CETN1: variants seen among roughly 807,000 people sequenced by gnomAD.
CETN1 encodes the protein centrin-1.
A neutral mutation model predicts 8.1 loss-of-function variants in CETN1; 6 were observed. The ratio of observed to expected loss-of-function variants is 0.74; its 90% confidence interval spans 0.40 to 1.46. The LOEUF is 1.46. CETN1 is among the 40% of genes most tolerant of loss of function. CETN1 has a pLI of 0.02. For missense variants in CETN1, 215 were observed against 226.2 expected, an observed-to-expected ratio of 0.95 and a Z score of 0.32; for synonymous variants, 99 against 90.3, an observed-to-expected ratio of 1.10 and a Z score of -0.55.
chr18:581,900 G>T lies in CETN1; in HGVS notation c.*973G>T. ...TTAGCCCCTCTGACATATAGTTGAT[G>T]TCAGAGTGTCTGGCATTTCAGTAGT... On this transcript the variant is annotated 3_prime_UTR_variant, in exon 1 of 1. Transcript: ENST00000327228. 6.0e-6 allele frequency: 1 copy of T among 167,128 alleles called. No homozygotes were observed. 10.4% of individuals were successfully genotyped at this position (167,128 alleles called of 1,614,324 possible).
In CETN1 at chr18:580,420, C is replaced by A; in HGVS notation, c.12C>A (p.Gly4=). ...GCCAGAGCGGCAGGATGGCTTCCGG[C>A]TTCAAGAAGCCCAGCGCTGCCTCCA... The part of the protein sequence containing the change: MAS[G]FKKPSAASTG... Residue 4 remains glycine (G), a synonymous_variant, in exon 1 of 1, where the codon GGC becomes GGA. Transcript: ENST00000327228. The surrounding 1 kb of genome is among the most constrained non-coding windows in gnomAD (Gnocchi z 6.1). 2.6e-6 allele frequency: 4 copies of A among 1,563,294 alleles called. No homozygotes were observed. The highest frequency in any genetic ancestry group is 3.5e-6 in the Non-Finnish European group (4 of 1,158,372).
rs1299120720 is a variant in CETN1 at position 581,976 on chromosome 18, GT to G, written c.*1051del. 6.0e-6 allele frequency: 1 copy of G among 166,960 alleles called. No homozygotes were observed. Among genetic ancestry groups the G allele is most frequent in the Non-Finnish European group, 1.5e-5 (1 of 68,098 alleles). The allele number at this position is 166,960 out of a possible 1,614,324, so 10.3% of individuals were successfully genotyped here. Reference sequence around the variant, plus strand: ...CTGCTCCACTGTGGCTTGTTTATGTGTTAATACTGCTTGTTTTCTGTTATAA... The same window carrying G: ...CTGCTCCACTGTGGCTTGTTTATGTGTAATACTGCTTGTTTTCTGTTATAA... On this transcript the variant is annotated 3_prime_UTR_variant, in exon 1 of 1. Transcript: ENST00000327228.
rs2072548306 is a variant in CETN1, at chr18:581,169, T to C, written c.*242T>C. The C allele has an allele frequency of 1.2e-5, 6 of 482,060 alleles. No homozygotes were observed. The South Asian group carries it at 1.6e-4, about 13-fold the overall frequency. The allele number at this position is 482,060 out of a possible 1,614,324, so 29.9% of individuals were successfully genotyped here. On this transcript the variant is annotated 3_prime_UTR_variant, in exon 1 of 1. Transcript: ENST00000327228. ...TAAACAAAGGGCCCTGAAGTTTGAGTGCGCCCTCCATTTGCCCTGTGCTGA... is the reference window on the plus strand; with the variant it reads ...TAAACAAAGGGCCCTGAAGTTTGAGCGCGCCCTCCATTTGCCCTGTGCTGA...
chr18:580,493 CAGAAGCA>C lies in CETN1; in HGVS notation c.91_97del (p.Gln31PhefsTer21). The C allele has an allele frequency of 6.2e-7, 1 of 1,614,158 alleles. No individual in the cohort carries two copies. The highest frequency in any genetic ancestry group is 8.5e-7 in the Non-Finnish European group (1 of 1,180,006). On this transcript the variant is annotated frameshift_variant, in exon 1 of 1. Coordinates refer to ENST00000327228, the MANE Select transcript of CETN1 (RefSeq NM_004066.3). LOFTEE classifies it high-confidence loss of function. This position sits in a 1 kb window ranked among gnomAD's most constrained non-coding sequence, Gnocchi z 6.1. ...ACCTAAGCCCGAGCTCACTGAGGAT[CAGAAGCA>C]AGAAGTTCGGGAAGCATTTGACCTC...
In CETN1 at chr18:580,435, C is replaced by T. The variant is rs779399201; in HGVS notation, c.27C>T (p.Ser9=). 4.4e-6 allele frequency: 7 copies of T among 1,582,258 alleles called. No homozygotes were observed. The highest frequency in any genetic ancestry group is 6.0e-6 in the Non-Finnish European group (7 of 1,166,628). Residue 9 remains serine (S), a synonymous_variant, in exon 1 of 1, where the codon AGC becomes AGT. Coordinates refer to ENST00000327228, the MANE Select transcript of CETN1 (RefSeq NM_004066.3). The surrounding 1 kb of genome is among the most constrained non-coding windows in gnomAD (Gnocchi z 6.1). MASGFKKP[S]AASTGQKRKV... is the part of the protein sequence containing the mutation. ...TGGCTTCCGGCTTCAAGAAGCCCAGCGCTGCCTCCACCGGCCAAAAGAGAA... is the reference window on the plus strand; with the variant it reads ...TGGCTTCCGGCTTCAAGAAGCCCAGTGCTGCCTCCACCGGCCAAAAGAGAA...
rs1011968640 is a variant in CETN1, at chr18:581,661, G to A, written c.*734G>A. On this transcript the variant is annotated 3_prime_UTR_variant, in exon 1 of 1. Transcript: ENST00000327228. ...TGCTTAAGAGGTTACGCTAACAAAC[G>A]ATTTTGAGTAAATATTTACAAATGT... 8.4e-5 allele frequency: 14 copies of A among 166,848 alleles called. No homozygotes were observed. The highest frequency in any genetic ancestry group is 3.4e-4 in the African/African-American group (14 of 41,442). 10.3% of individuals were successfully genotyped at this position (166,848 alleles called of 1,614,324 possible). A position where few individuals can be genotyped will look rare whatever the true frequency, so the allele number is the denominator to read the frequency against.
At position 580,774 on chromosome 18, in the gene CETN1, G is replaced by C; in HGVS notation, c.366G>C (p.Ser122=). 3 of 1,614,028 alleles carry C rather than the reference G, an allele frequency of 1.9e-6. No individual in the cohort carries two copies. Among genetic ancestry groups the C allele is most frequent in the African/African-American group, 1.3e-5 (1 of 75,018 alleles). ...ATGACGATGAGACCGGGAAGATCTC[G>C]TTCAAAAACCTGAAGCGTGTGGCCA... ...LFDDDETGKI[S]FKNLKRVANE... Residue 122 remains serine, a synonymous_variant, in exon 1 of 1, where the codon TCG becomes TCC. Coordinates refer to ENST00000327228, the MANE Select transcript of CETN1 (RefSeq NM_004066.3). This position sits in a 1 kb window ranked among gnomAD's most constrained non-coding sequence, Gnocchi z 6.1.
In CETN1 at chr18:580,393, CGG is replaced by C; in HGVS notation, c.-15_-14del. Reference sequence around the variant, plus strand: ...CGGGGCGGTGCCGTTGGGACCACGGCGGCCAGAGCGGCAGGATGGCTTCCGGC... The same window carrying C: ...CGGGGCGGTGCCGTTGGGACCACGGCCCAGAGCGGCAGGATGGCTTCCGGC... On this transcript the variant is annotated 5_prime_UTR_variant, in exon 1 of 1. Coordinates refer to ENST00000327228, the MANE Select transcript of CETN1 (RefSeq NM_004066.3). The surrounding 1 kb of genome is among the most constrained non-coding windows in gnomAD (Gnocchi z 6.1). The C allele has an allele frequency of 6.4e-7, 1 of 1,554,164 alleles. No homozygotes were observed. The highest frequency in any genetic ancestry group is 8.7e-7 in the Non-Finnish European group (1 of 1,152,070).
chr18:580,781 A>C lies in CETN1; in HGVS notation c.373A>C (p.Asn125His), dbSNP rs972785070. 6 of 1,614,026 alleles carry C rather than the reference A, an allele frequency of 3.7e-6. No homozygotes were observed. Among genetic ancestry groups the C allele is most frequent in the Non-Finnish European group, 8.5e-7 (1 of 1,180,008 alleles). Reference sequence around the variant, plus strand: ...TGAGACCGGGAAGATCTCGTTCAAAAACCTGAAGCGTGTGGCCAACGAGCT... The same window carrying C: ...TGAGACCGGGAAGATCTCGTTCAAACACCTGAAGCGTGTGGCCAACGAGCT... ...DDETGKISFK[N>H]LKRVANELGE... Residue 125 changes from asparagine to histidine, a missense_variant, in exon 1 of 1, where the codon AAC (asparagine) becomes CAC (histidine). By Grantham distance (68) the Asn-to-His change is moderately conservative. Coordinates refer to ENST00000327228, the MANE Select transcript of CETN1 (RefSeq NM_004066.3). This position sits in a 1 kb window ranked among gnomAD's most constrained non-coding sequence, Gnocchi z 6.1.
In CETN1 at chr18:582,032, T is replaced by A. The variant is rs1206712452; in HGVS notation, c.*1105T>A. The A allele has an allele frequency of 6.0e-6, 1 of 166,228 alleles. No homozygotes were observed. The highest frequency in any genetic ancestry group is 1.5e-5 in the Non-Finnish European group (1 of 68,124). 10.3% of individuals were successfully genotyped at this position (166,228 alleles called of 1,614,324 possible). On this transcript the variant is annotated 3_prime_UTR_variant, in exon 1 of 1. Coordinates refer to ENST00000327228, the MANE Select transcript of CETN1 (RefSeq NM_004066.3). ...TTTTTTGCTTTGGAGTAAGATATCA[T>A]CATTTTGCATAGCTACAAATCTGAA... is the stretch of plus-strand genomic sequence containing the variant.
chr18:580,739 A>G lies in CETN1; in HGVS notation c.331A>G (p.Arg111Gly), dbSNP rs762950007. The change falls in exon 1 of 1, where the codon AGG becomes GGG. Residue 111 changes from arginine to glycine, a missense_variant. Coordinates refer to ENST00000327228, the MANE Select transcript of CETN1 (RefSeq NM_004066.3). This position sits in a 1 kb window ranked among gnomAD's most constrained non-coding sequence, Gnocchi z 6.1. ...CAAAGAAGAAATCCTGAAGGCCTTC[A>G]GGCTCTTTGATGACGATGAGACCGG... ...DTKEEILKAF[R>G]LFDDDETGKI... The G allele has an allele frequency of 2.5e-6, 4 of 1,613,890 alleles. No homozygotes were observed. The highest frequency in any genetic ancestry group is 1.3e-5 in the African/African-American group (1 of 74,910).
At position 580,673 on chromosome 18, in the gene CETN1, T is replaced by C; in HGVS notation, c.265T>C (p.Phe89Leu). 2 of 1,613,958 alleles carry C rather than the reference T, an allele frequency of 1.2e-6. No individual in the cohort carries two copies. Among genetic ancestry groups the C allele is most frequent in the South Asian group, 1.1e-5 (1 of 91,084 alleles). The change falls in exon 1 of 1, where the codon TTC becomes CTC. Residue 89 changes from phenylalanine to leucine, a missense_variant. By Grantham distance (22) the Phe-to-Leu change is conservative. Transcript: ENST00000327228. The surrounding 1 kb of genome is among the most constrained non-coding windows in gnomAD (Gnocchi z 6.1). The part of the protein sequence containing the change: ...EGTGKISFND[F>L]LAVMTQKMSE... ...CACGGGGAAGATCAGCTTCAATGAC[T>C]TCCTGGCCGTGATGACGCAGAAGAT...
At position 580,630 on chromosome 18, in the gene CETN1, C is replaced by T. The variant is rs1265753912; in HGVS notation, c.222C>T (p.Ser74=). The T allele has an allele frequency of 3.1e-6, 5 of 1,614,082 alleles. No homozygotes were observed. Among genetic ancestry groups the T allele is most frequent in the South Asian group, 2.2e-5 (2 of 91,080 alleles). Reference sequence around the variant, plus strand: ...AGGAAGAGATGAAGAAAATGATCTCCGAGGTGGACAGGGAAGGCACGGGGA... The same window carrying T: ...AGGAAGAGATGAAGAAAATGATCTCTGAGGTGGACAGGGAAGGCACGGGGA... ...PRKEEMKKMI[S]EVDREGTGKI... Residue 74 remains serine (S), a synonymous_variant, in exon 1 of 1, where the codon TCC becomes TCT. Transcript: ENST00000327228. The surrounding 1 kb of genome is among the most constrained non-coding windows in gnomAD (Gnocchi z 6.1).
In CETN1 at chr18:580,835, CAGG is replaced by C; in HGVS notation, c.430_432del (p.Glu144del). On this transcript the variant is annotated inframe_deletion, in exon 1 of 1. Coordinates refer to ENST00000327228, the MANE Select transcript of CETN1 (RefSeq NM_004066.3). The surrounding 1 kb of genome is among the most constrained non-coding windows in gnomAD (Gnocchi z 6.1). ...GGAGAACCTCACGGATGAGGAGCTG[CAGG>C]AGATGATCGACGAAGCTGATCGGGA... 6.2e-7 allele frequency: 1 copy of C among 1,614,028 alleles called. No individual in the cohort carries two copies. The highest frequency in any genetic ancestry group is 1.6e-4 in the Middle Eastern group (1 of 6,062).
Position 581,110 on chromosome 18 carries a change from T to C in CETN1, c.*183T>C, listed in dbSNP as rs1286485062. 2.4e-5 allele frequency: 17 copies of C among 722,438 alleles called. No homozygotes were observed. The highest frequency in any genetic ancestry group is 3.4e-5 in the Non-Finnish European group (15 of 446,016). 44.8% of individuals were successfully genotyped at this position (722,438 alleles called of 1,614,324 possible). On this transcript the variant is annotated 3_prime_UTR_variant, in exon 1 of 1. Coordinates refer to ENST00000327228, the MANE Select transcript of CETN1 (RefSeq NM_004066.3). ...TGCTTGTAATGTGAGTTTTGGGTTT[T>C]AATTCTCAAGAGTCAACCTGGAGCA...
Position 580,555 on chromosome 18 carries a change from C to T in CETN1, c.147C>T (p.Asp49=), listed in dbSNP as rs779853650. The T allele has an allele frequency of 2.5e-6, 4 of 1,613,948 alleles. No homozygotes were observed. Among genetic ancestry groups the T allele is most frequent in the African/African-American group, 1.3e-5 (1 of 74,874 alleles). The change falls in exon 1 of 1, where the codon GAC becomes GAT. Residue 49 remains aspartate, a synonymous_variant. Coordinates refer to ENST00000327228, the MANE Select transcript of CETN1 (RefSeq NM_004066.3). The surrounding 1 kb of genome is among the most constrained non-coding windows in gnomAD (Gnocchi z 6.1). ...LFDVDGSGTI[D]AKELKVAMRA... Reference sequence around the variant, plus strand: ...ACGTGGACGGAAGTGGGACCATCGACGCGAAGGAGCTGAAGGTGGCCATGA... The same window carrying T: ...ACGTGGACGGAAGTGGGACCATCGATGCGAAGGAGCTGAAGGTGGCCATGA...
Position 580,552 on chromosome 18 carries a change from C to T in CETN1, c.144C>T (p.Ile48=). 6.2e-7 allele frequency: 1 copy of T among 1,614,170 alleles called. No homozygotes were observed. Among genetic ancestry groups the T allele is most frequent in the South Asian group, 1.1e-5 (1 of 91,086 alleles). ...TCGACGTGGACGGAAGTGGGACCAT[C>T]GACGCGAAGGAGCTGAAGGTGGCCA... ...DLFDVDGSGT[I]DAKELKVAMR... The change falls in exon 1 of 1, where the codon ATC becomes ATT. Residue 48 remains isoleucine (I), a synonymous_variant. Coordinates refer to ENST00000327228, the MANE Select transcript of CETN1 (RefSeq NM_004066.3). The surrounding 1 kb of genome is among the most constrained non-coding windows in gnomAD (Gnocchi z 6.1).
chr18:580,997 G>C lies in CETN1; in HGVS notation c.*70G>C. 1.3e-6 allele frequency: 2 copies of C among 1,500,054 alleles called. No homozygotes were observed. The highest frequency in any genetic ancestry group is 1.8e-6 in the Non-Finnish European group (2 of 1,111,584). 92.9% of individuals were successfully genotyped at this position (1,500,054 alleles called of 1,614,324 possible). On this transcript the variant is annotated 3_prime_UTR_variant, in exon 1 of 1. Coordinates refer to ENST00000327228, the MANE Select transcript of CETN1 (RefSeq NM_004066.3). This position sits in a 1 kb window ranked among gnomAD's most constrained non-coding sequence, Gnocchi z 6.1. ...ATTTTGTGAAACCTTAGAGGACAGC[G>C]GCTGCCTGTCCCTTCTTCACCCCCT... is the stretch of plus-strand genomic sequence containing the variant.
chr18:580,550 A>G lies in CETN1; in HGVS notation c.142A>G (p.Ile48Val). 6.2e-7 allele frequency: 1 copy of G among 1,614,164 alleles called. No individual in the cohort carries two copies. Among genetic ancestry groups the G allele is most frequent in the Non-Finnish European group, 8.5e-7 (1 of 1,180,010 alleles). ...CTTCGACGTGGACGGAAGTGGGACC[A>G]TCGACGCGAAGGAGCTGAAGGTGGC... is the stretch of plus-strand genomic sequence containing the variant. The part of the protein sequence containing the change: ...DLFDVDGSGT[I>V]DAKELKVAMR... The change falls in exon 1 of 1, where the codon ATC becomes GTC. Residue 48 changes from isoleucine (I) to valine (V), a missense_variant. Coordinates refer to ENST00000327228, the MANE Select transcript of CETN1 (RefSeq NM_004066.3). This position sits in a 1 kb window ranked among gnomAD's most constrained non-coding sequence, Gnocchi z 6.1.
Sources: gnomAD v4.1 joint callset for allele counts on GRCh38, gnomAD v4.1.1 for gene constraint, Gnocchi (gnomAD v3.1) non-coding constraint, MANE v1.5 for transcripts, NCBI Gene and HGNC (gene_info 2026-07-23, HGNC 2026-07-21) for gene names.